The following ADGRD1 variants were observed in gnomAD, a reference collection of about 807,000 sequenced individuals.
ADGRD1 encodes the protein G-protein coupled receptor 133.
ADGRD1 carries 77 observed loss-of-function variants against 113.4 expected under a neutral mutation model. The observed-to-expected ratio is 0.68, with a 90% CI of 0.57 to 0.82. The LOEUF (loss-of-function observed/expected upper bound fraction) is 0.82, where lower values mean the gene tolerates loss of function less well. ADGRD1 is among the 40% of genes least tolerant of loss of function. ADGRD1 has a pLI of 0.00. For missense variants in ADGRD1, 1,036 were observed against 1,139.1 expected, an observed-to-expected ratio of 0.91 and a Z score of 1.30; for synonymous variants, 474 against 475.0, an observed-to-expected ratio of 1.00 and a Z score of 0.03.
intron 9 of ADGRD1, chr12:131,002,887 A>T: frequency 9.1e-7 from 1 of 1,096,270 alleles, no homozygotes; most frequent in Non-Finnish European, 1.2e-6. Flanking sequence ...GAGTTCAGGG[A>T]GGAGGCAGGA....
At chr12:131,008,134 A>G (rs1446237099) in intron 12 of ADGRD1, among the ~76,000 whole-genome samples, 3 of 152,336 alleles carry the variant, frequency 2.0e-5, no homozygotes, top group Middle Eastern at 3.4e-3. Context: ...GAATGAGTTA[A>G]TGGTGTAAGT....
At chr12:131,005,452 A>G (rs4376943) in intron 11 of ADGRD1, among the ~76,000 whole-genome samples, 141,110 of 152,288 alleles carry the variant, frequency 0.93, 66,317 homozygotes, top group East Asian at 1. Flanking sequence ...TAGAGGTGTG[A>G]CCAGGTGAAG....
At chr12:131,124,016 G>A (rs940228199) in intron 20 of ADGRD1, among the ~76,000 whole-genome samples, 15 of 152,182 alleles carry the variant, frequency 9.9e-5, no homozygotes, top group South Asian at 2.1e-4. Context: ...TGCGTGGCCC[G>A]CAAAGCCAAA....
intron 14 of ADGRD1, among the ~76,000 whole-genome samples, chr12:131,079,404 AGTT>A (rs1885894679): frequency 1.3e-5 from 2 of 152,180 alleles, no homozygotes; most frequent in Admixed American, 6.5e-5. Context: ...AATTGGCTAC[AGTT>A]GTTGAGAATT....
chr12:131,093,062 C>T (rs958156375), intron 15 of ADGRD1, among the ~76,000 whole-genome samples: 1 of 151,806 alleles, frequency 6.6e-6, no homozygotes, highest in East Asian at 1.9e-4. Context: ...CTCCTCATCA[C>T]GTTCGCATCG....
At chr12:131,086,367 C>T (rs950856306) in intron 15 of ADGRD1, among the ~76,000 whole-genome samples, 6 of 152,144 alleles carry the variant, frequency 3.9e-5, no homozygotes, top group Non-Finnish European at 8.8e-5. Context: ...AAAGAGGGCC[C>T]AGGAATGCAG....
intron 16 of ADGRD1, 36 bp downstream of exon 16, chr12:131,104,970 C>G (rs369192180): frequency 2.2e-6 from 3 of 1,371,100 alleles, no homozygotes; most frequent in Admixed American, 4.1e-5. Context: ...AACAGTCTCT[C>G]GGCCCCTGCC....
chr12:130,970,168 A>G (rs1248739514), intron 3 of ADGRD1: 2 of 152,234 alleles, frequency 1.3e-5, no homozygotes, highest in South Asian at 2.1e-4. Flanking sequence ...AGCTCAAAGC[A>G]AAAGGGGTAG....
intron 8 of ADGRD1, among the ~76,000 whole-genome samples, chr12:130,995,651 TC>T (rs1468377287): frequency 6.6e-6 from 1 of 152,154 alleles, no homozygotes; most frequent in Non-Finnish European, 1.5e-5. Context: ...GGTGACTGAT[TC>T]TGATTTTGCA....
intron 13 of ADGRD1, among the ~76,000 whole-genome samples, chr12:131,025,015 G>T (rs977676131): frequency 1.3e-5 from 2 of 152,338 alleles, no homozygotes; most frequent in East Asian, 3.9e-4. Context: ...AGGCCCTGTG[G>T]GGCTTGATGC....
intron 13 of ADGRD1, among the ~76,000 whole-genome samples, chr12:131,040,804 C>T (rs762081213): frequency 5.9e-5 from 9 of 152,364 alleles, no homozygotes; most frequent in Admixed American, 1.3e-4. Flanking sequence ...GCTCTTGGAC[C>T]GGAGCCTGCC....
intron 13 of ADGRD1, chr12:131,026,337 G>A (rs1879944367): frequency 6.6e-6 from 1 of 152,102 alleles, no homozygotes; most frequent in Admixed American, 6.5e-5. Context: ...TCATTTTAAT[G>A]TCTGCGGGGG....
At chr12:131,097,061 G>A (rs191619063) in intron 15 of ADGRD1, among the ~76,000 whole-genome samples, 2 of 152,276 alleles carry the variant, frequency 1.3e-5, no homozygotes, top group East Asian at 1.9e-4. Flanking sequence ...GATTTGTGGC[G>A]AGGCTCATTC....
Position 130,964,483 on chromosome 12 carries a change from C to T in ADGRD1, c.104-1980C>T, listed in dbSNP as rs1477638124. On this transcript the variant is annotated intron_variant, in intron 2 of 24. Transcript: ENST00000261654. ...GGTGGATCACCTGAGGTCAGGAGTT[C>T]GAGACTAGCCCGGCCAACATGGTGA... Among the ~76,000 whole-genome samples, 4 of 152,078 alleles carry T rather than the reference C, an allele frequency of 2.6e-5. No individual in the cohort carries two copies. In the East Asian group the frequency reaches 5.8e-4, roughly 22 times the overall value.
intron 13 of ADGRD1, among the ~76,000 whole-genome samples, chr12:131,021,332 G>A (rs566870044): frequency 9.9e-5 from 15 of 152,240 alleles, no homozygotes; most frequent in African/African-American, 3.1e-4. Flanking sequence ...CTAGGCAACT[G>A]CAGTCTGTAC....
At chr12:131,056,710 T>C (rs1167305039) in intron 13 of ADGRD1, among the ~76,000 whole-genome samples, 1 of 152,154 alleles carries the variant, frequency 6.6e-6, no homozygotes, top group Non-Finnish European at 1.5e-5. Context: ...GCCAGCACCT[T>C]TGATGTGGGT....
rs770058918 is a variant in ADGRD1 at position 131,105,751 on chromosome 12, C to T, written c.1776-3C>T. ...AGGCCTCACACCCTGCCTCTGTCCT[C>T]AGCTCCGTGAGCACCATCCGGAACC... On this transcript the variant is annotated splice_polypyrimidine_tract_variant and splice_region_variant and intron_variant, in intron 16 of 24. Coordinates refer to ENST00000261654, the MANE Select transcript of ADGRD1 (RefSeq NM_198827.5). 2.5e-6 allele frequency: 4 copies of T among 1,599,520 alleles called. No individual in the cohort carries two copies. Among genetic ancestry groups the T allele is most frequent in the Admixed American group, 3.3e-5 (2 of 59,930 alleles).
At chr12:131,005,168 C>T (rs1431766282) in intron 11 of ADGRD1, among the ~76,000 whole-genome samples, 1 of 152,224 alleles carries the variant, frequency 6.6e-6, no homozygotes, top group African/African-American at 2.4e-5. Context: ...GTTCTCTGCC[C>T]TGTCCTCAAC....
Position 130,966,620 on chromosome 12 carries a change from G to A in ADGRD1, c.187+74G>A. The stretch of plus-strand genomic sequence containing the variant: ...CCATCAGGAGGCGTGGGTGCTGAGA[G>A]TGGCTGGCCTTGAAATCCCAGGGCC... On this transcript the variant is annotated intron_variant, in intron 3 of 24. Transcript: ENST00000261654. This position sits in a 1 kb window ranked among gnomAD's most constrained non-coding sequence, Gnocchi z 4.6. 2.1e-6 allele frequency: 2 copies of A among 935,492 alleles called. No individual in the cohort carries two copies. Among genetic ancestry groups the A allele is most frequent in the South Asian group, 1.3e-5 (1 of 76,868 alleles). The allele number at this position is 935,492 out of a possible 1,614,324, so 57.9% of individuals were successfully genotyped here. A position where few individuals can be genotyped will look rare whatever the true frequency, so the allele number is the denominator to read the frequency against.
Sources: gnomAD v4.1 joint callset for allele counts (sites outside exome capture counted in the v4.1 genomes callset) on GRCh38, gnomAD v4.1.1 for gene constraint, Gnocchi (gnomAD v3.1) non-coding constraint, MANE v1.5 for transcripts, NCBI Gene and HGNC (gene_info 2026-07-23, HGNC 2026-07-21) for gene names.